The following HMGB1 variants were observed in gnomAD, a reference collection of about 807,000 sequenced individuals.
The protein encoded by HMGB1 is high mobility group box 1, also known as high mobility group protein B1.
For missense variants in HMGB1, 79 were observed against 253.5 expected (o/e 0.31, Z 4.67); for synonymous variants, 81 against 84.0 (o/e 0.96, Z 0.19).
intron 1 of HMGB1, among the ~76,000 whole-genome samples, chr13:30,600,306 T>C (rs1326290482): frequency 3.9e-5 from 6 of 152,246 alleles, no homozygotes; most frequent in Admixed American, 3.9e-4. Context: ...TCCATCAGTA[T>C]GAAATTTTCT....
intron 1 of HMGB1, among the ~76,000 whole-genome samples, chr13:30,475,225 C>CTTTT (rs371643884): frequency 1.1e-5 from 1 of 92,546 alleles, no homozygotes; most frequent in African/African-American, 4.5e-5. Flanking sequence ...CTCTCTCTCT[C>CTTTT]TTTTTTTTTT....
At chr13:30,486,713 G>C (rs1566002975) in intron 1 of HMGB1, among the ~76,000 whole-genome samples, 1 of 152,204 alleles carries the variant, frequency 6.6e-6, no homozygotes, top group Non-Finnish European at 1.5e-5. Flanking sequence ...TAGGACCAGA[G>C]AGACTAGAGT....
At chr13:30,530,420 G>A (rs1326140536) in intron 1 of HMGB1, among the ~76,000 whole-genome samples, 3 of 152,218 alleles carry the variant, frequency 2.0e-5, no homozygotes, top group East Asian at 1.9e-4. Flanking sequence ...GTAAAAGTGT[G>A]TAGGGGAAAA....
intron 1 of HMGB1, among the ~76,000 whole-genome samples, chr13:30,545,695 TTG>T (rs1869121597): frequency 6.6e-6 from 1 of 152,112 alleles, no homozygotes; most frequent in Non-Finnish European, 1.5e-5. Context: ...GTATTTTTGT[TTG>T]TTTGTGGGTT....
chr13:30,552,571 CT>C (rs1169262846), intron 1 of HMGB1, among the ~76,000 whole-genome samples: 1 of 152,182 alleles, frequency 6.6e-6, no homozygotes, highest in African/African-American at 2.4e-5. Flanking sequence ...TTTTTGTATA[CT>C]TCTATTGAAG....
At chr13:30,494,927 T>A (rs1470422882) in intron 1 of HMGB1, among the ~76,000 whole-genome samples, 6 of 152,238 alleles carry the variant, frequency 3.9e-5, no homozygotes, top group African/African-American at 1.4e-4. Context: ...CATGCAGTAT[T>A]TGTACTTCTG....
At chr13:30,538,675 T>TC (rs1370291184) in intron 1 of HMGB1, among the ~76,000 whole-genome samples, 365 of 33,384 alleles carry the variant, frequency 0.011, 11 homozygotes, top group African/African-American at 0.029. Context: ...TTTCTTTCTT[T>TC]CTTTCTTTCC....
At chr13:30,583,689 A>T (rs1166513791) in intron 1 of HMGB1, among the ~76,000 whole-genome samples, 1 of 151,674 alleles carries the variant, frequency 6.6e-6, no homozygotes, top group Non-Finnish European at 1.5e-5. Flanking sequence ...AAATACAAAA[A>T]TTAGCTGGGC....
intron 1 of HMGB1, among the ~76,000 whole-genome samples, chr13:30,561,154 G>T (rs933254788): frequency 2.2e-5 from 3 of 134,836 alleles, no homozygotes; most frequent in Non-Finnish European, 4.5e-5. Context: ...GACACATTTG[G>T]TAAAAAAAAG....
rs768881644 is a variant in HMGB1 at position 30,461,548 on chromosome 13, G to A, written c.472-15C>T. The A allele has an allele frequency of 1.3e-6, 2 of 1,578,322 alleles. No individual in the cohort carries two copies. The highest frequency in any genetic ancestry group is 1.7e-4 in the Middle Eastern group (1 of 5,976). ...GCAGCAATATCCTTCCAAAGCAAAG[G>A]GAGGATAAAACAGTAGGGAAGAAAA... On this transcript the variant is annotated splice_polypyrimidine_tract_variant and intron_variant, in intron 4 of 4. Coordinates refer to ENST00000341423, the MANE Select transcript of HMGB1 (RefSeq NM_002128.7).
rs1469034992 is a variant in HMGB1 at position 30,462,652 on chromosome 13, G to T, written c.357C>A (p.Gly119=). Residue 119 remains glycine (G), a synonymous_variant, in exon 4 of 5, where the codon GGC becomes GGA. Transcript: ENST00000341423. ...YRPKIKGEHP[G]LSIGDVAKKL... is the part of the protein sequence containing the mutation. ...TCTTCGCAACATCACCAATGGACAG[G>T]CCAGGATGTTCTCCTTTGATTTTTG... The T allele has an allele frequency of 6.2e-7, 1 of 1,611,262 alleles. No individual in the cohort carries two copies. Among genetic ancestry groups the T allele is most frequent in the Admixed American group, 1.7e-5 (1 of 59,972 alleles).
At chr13:30,482,081 C>T (rs539378274) in intron 1 of HMGB1, among the ~76,000 whole-genome samples, 4 of 152,040 alleles carry the variant, frequency 2.6e-5, no homozygotes, top group Non-Finnish European at 4.4e-5. Flanking sequence ...CTGCCTGCCT[C>T]GAGGTATTCT....
At chr13:30,534,976 T>C (rs1341091888) in intron 1 of HMGB1, among the ~76,000 whole-genome samples, 1 of 152,246 alleles carries the variant, frequency 6.6e-6, no homozygotes, top group Non-Finnish European at 1.5e-5. Flanking sequence ...TGTGCTTTAA[T>C]GTATACAGCA....
intron 1 of HMGB1, chr13:30,553,578 GA>G: frequency 1.8e-6 from 1 of 545,136 alleles, no homozygotes; most frequent in Non-Finnish European, 3.3e-6. Context: ...CTTGAGTAAT[GA>G]TTGACTATAA....
intron 1 of HMGB1, among the ~76,000 whole-genome samples, chr13:30,574,917 T>G (rs1475074182): frequency 6.6e-6 from 1 of 152,210 alleles, no homozygotes; most frequent in Non-Finnish European, 1.5e-5. Flanking sequence ...TTCCATACAA[T>G]GTACTCTTTG....
At chr13:30,542,608 C>A in intron 1 of HMGB1, 1 of 166,210 alleles carries the variant, frequency 6.0e-6, no homozygotes, top group South Asian at 1.3e-4. Flanking sequence ...TTCCTCTCGT[C>A]ACTCACCTGG....
chr13:30,493,032 C>T (rs1566004917), intron 1 of HMGB1, among the ~76,000 whole-genome samples: 1 of 151,082 alleles, frequency 6.6e-6, no homozygotes, highest in Non-Finnish European at 1.5e-5. Context: ...AAACATACAC[C>T]TGCCATTCAA....
intron 1 of HMGB1, among the ~76,000 whole-genome samples, chr13:30,562,590 T>C (rs1481938865): frequency 6.6e-6 from 1 of 152,186 alleles, no homozygotes; most frequent in Non-Finnish European, 1.5e-5. Flanking sequence ...TCAAGAACGA[T>C]TTCACATAAT....
intron 1 of HMGB1, among the ~76,000 whole-genome samples, chr13:30,564,868 T>C (rs940185665): frequency 1.3e-5 from 2 of 152,222 alleles, no homozygotes; most frequent in South Asian, 2.1e-4. Flanking sequence ...CCATTCAGCA[T>C]TAGTGGTTCT....
Sources: allele counts gnomAD v4.1 joint callset (sites outside exome capture counted in the v4.1 genomes callset), GRCh38; gene constraint gnomAD v4.1.1; transcripts MANE v1.5; gene names NCBI Gene and HGNC (gene_info 2026-07-23, HGNC 2026-07-21).